Variants in MEGF10 observed in about 807,000 individuals in gnomAD.
MEGF10 encodes multiple epidermal growth factor-like domains protein 10.
In MEGF10, 86 loss-of-function variants were observed where a neutral mutation model predicts 147.5. That is an observed-to-expected ratio of 0.58 (90% CI 0.49 to 0.70). MEGF10 has a LOEUF of 0.70. Ranked by LOEUF, MEGF10 falls within the 30% of genes least tolerant of loss-of-function variation. The probability of loss-of-function intolerance (pLI) is 0.00; values close to 1 mark genes in which losing one functional copy is unlikely to be tolerated. For missense variants in MEGF10, 1,329 were observed against 1,487.3 expected, an observed-to-expected ratio of 0.89 and a Z score of 1.75; for synonymous variants, 478 against 525.5, an observed-to-expected ratio of 0.91 and a Z score of 1.24.
chr5:127,261,097 AG>A, the MEGF10 span, among the ~76,000 whole-genome samples: 1 of 152,216 alleles, frequency 6.6e-6, no homozygotes, highest in African/African-American at 2.4e-5. Flanking sequence ...ATTGAGATAT[AG>A]TTTATATAAC....
intron 4 of MEGF10, among the ~76,000 whole-genome samples, chr5:127,357,047 A>T (rs1452683082): frequency 4.6e-5 from 7 of 152,212 alleles, no homozygotes; most frequent in Non-Finnish European, 5.9e-5. Flanking sequence ...ACACTGGGTA[A>T]TTTTAAATAT....
At chr5:127,246,938 T>TAGTATATATTATACAATAACATATAC in the MEGF10 span, among the ~76,000 whole-genome samples, 13 of 111,240 alleles carry the variant, frequency 1.2e-4, no homozygotes, top group South Asian at 2.8e-4. Context: ...TAATATATGA[T>TAGTATATATTATACAATAACATATAC]TATATTATAT....
At chr5:127,397,677 G>A (rs1763969574) in intron 6 of MEGF10, among the ~76,000 whole-genome samples, 5 of 152,208 alleles carry the variant, frequency 3.3e-5, no homozygotes, top group Admixed American at 3.3e-4. Flanking sequence ...CTGATTTTCA[G>A]AATTGATGAT....
intron 5 of MEGF10, among the ~76,000 whole-genome samples, chr5:127,375,182 G>T (rs1762979088): frequency 6.6e-6 from 1 of 151,994 alleles, no homozygotes; most frequent in African/African-American, 2.4e-5. Context: ...AGTCTAAAAT[G>T]GTCAGATGGT....
chr5:127,410,574 G>C lies in MEGF10; in HGVS notation c.1103G>C (p.Cys368Ser), dbSNP rs749688299. ...GLYGIKCDKR[C>S]PCHLENTHSC... The stretch of plus-strand genomic sequence containing the variant: ...TACGGCATCAAATGTGACAAACGGT[G>C]TCCCTGCCACCTGGAAAACACTCAT... Residue 368 changes from cysteine (C) to serine (S), a missense_variant, in exon 9 of 25, where the codon TGT (cysteine) becomes TCT (serine). Cys to Ser is a moderately radical substitution (Grantham distance 112, BLOSUM62 -1). Coordinates refer to ENST00000503335, the MANE Select transcript of MEGF10 (RefSeq NM_001256545.2). 1 of 1,609,968 alleles carries C rather than the reference G, an allele frequency of 6.2e-7. No individual in the cohort carries two copies. The highest frequency in any genetic ancestry group is 8.5e-7 in the Non-Finnish European group (1 of 1,179,690).
At chr5:127,248,373 A>G in the MEGF10 span, among the ~76,000 whole-genome samples, 2 of 152,264 alleles carry the variant, frequency 1.3e-5, no homozygotes, top group African/African-American at 4.8e-5. Context: ...TATGACCCAT[A>G]ACAAAGATTT....
chr5:127,244,841 C>T, the MEGF10 span, among the ~76,000 whole-genome samples: 2 of 151,164 alleles, frequency 1.3e-5, no homozygotes, highest in Non-Finnish European at 3.0e-5. Flanking sequence ...TTTAAAAAAA[C>T]AAAAAACAAA....
chr5:127,388,888 G>A (rs6893410), intron 5 of MEGF10, among the ~76,000 whole-genome samples: 1,655 of 152,224 alleles, frequency 0.011, 35 homozygotes, highest in African/African-American at 0.038. Context: ...TCTCACTACT[G>A]AGGTAATTTC....
intron 13 of MEGF10, among the ~76,000 whole-genome samples, chr5:127,432,972 A>T (rs1406403460): frequency 6.6e-6 from 1 of 151,856 alleles, no homozygotes. Context: ...TCATTGCCTT[A>T]TCCTTTTACA....
At chr5:127,232,837 T>C in the MEGF10 span, among the ~76,000 whole-genome samples, 1 of 151,834 alleles carries the variant, frequency 6.6e-6, no homozygotes, top group African/African-American at 2.4e-5. Context: ...GCATTGCGAT[T>C]GTAGGATTCA....
the MEGF10 span, among the ~76,000 whole-genome samples, chr5:127,277,468 C>G: frequency 1.3e-5 from 2 of 152,176 alleles, no homozygotes; most frequent in Admixed American, 1.3e-4. Flanking sequence ...AAGAAACCTC[C>G]TGCTTACAAA....
the MEGF10 span, among the ~76,000 whole-genome samples, chr5:127,244,315 C>T: frequency 6.7e-6 from 1 of 148,640 alleles, no homozygotes; most frequent in South Asian, 2.1e-4. Context: ...TATTATTGGG[C>T]TATCGTGCCA....
chr5:127,256,230 A>T, the MEGF10 span, among the ~76,000 whole-genome samples: 1 of 152,338 alleles, frequency 6.6e-6, no homozygotes, highest in East Asian at 1.9e-4. Flanking sequence ...TGTTAAAAAA[A>T]ATTTCCTCCA....
chr5:127,304,516 C>A lies in MEGF10; in HGVS notation c.-19+13460C>A, dbSNP rs918056936. ...TGTTTACTATTATTATTTTTTGGGA[C>A]AAAGTCTCCCTCTGTCGCTCAGGCT... On this transcript the variant is annotated intron_variant, in intron 1 of 24. Coordinates refer to ENST00000503335, the MANE Select transcript of MEGF10 (RefSeq NM_001256545.2). Among the ~76,000 whole-genome samples the A allele has an allele frequency of 2.6e-5, 4 of 152,076 alleles. No homozygotes were observed. The South Asian group carries it at 8.3e-4, about 32-fold the overall frequency.
At chr5:127,451,283 C>A (rs758417532) in intron 22 of MEGF10, among the ~76,000 whole-genome samples, 2 of 152,200 alleles carry the variant, frequency 1.3e-5, no homozygotes, top group African/African-American at 4.8e-5. Context: ...AGGAACTGAT[C>A]CCTGTGGGAA....
At chr5:127,328,639 C>T (rs1399671778) in intron 1 of MEGF10, among the ~76,000 whole-genome samples, 1 of 152,150 alleles carries the variant, frequency 6.6e-6, no homozygotes. Flanking sequence ...TGATTCATGG[C>T]TTGGGACAAT....
At position 127,447,597 on chromosome 5, in the gene MEGF10, C is replaced by G; in HGVS notation, c.2769C>G (p.His923Gln). 6.2e-7 allele frequency: 1 copy of G among 1,614,158 alleles called. No individual in the cohort carries two copies. Among genetic ancestry groups the G allele is most frequent in the Non-Finnish European group, 8.5e-7 (1 of 1,180,012 alleles). ...PHSNGGNANS[H>Q]YFTNPSYHTL... The stretch of plus-strand genomic sequence containing the variant: ...GCAATGGTGGAAACGCTAATAGCCA[C>G]TACTTCACCAATCCCAGTTACCACA... The change falls in exon 21 of 25, where the codon CAC (histidine) becomes CAG (glutamine). Residue 923 changes from histidine (H) to glutamine (Q), a missense_variant. This residue lies in a region of MEGF10 where 343 missense variants were observed against 377.9 expected (regional missense o/e 0.91). Coordinates refer to ENST00000503335, the MANE Select transcript of MEGF10 (RefSeq NM_001256545.2).
At chr5:127,395,463 G>C (rs530656472) in intron 5 of MEGF10, among the ~76,000 whole-genome samples, 7 of 143,410 alleles carry the variant, frequency 4.9e-5, no homozygotes, top group Admixed American at 3.5e-4. Flanking sequence ...AAGCATATTT[G>C]TCCATTTTTT....
chr5:127,429,380 A>T (rs1181410825), intron 13 of MEGF10, among the ~76,000 whole-genome samples: 1 of 152,192 alleles, frequency 6.6e-6, no homozygotes, highest in Non-Finnish European at 1.5e-5. Context: ...ACCTATAAAT[A>T]TGTTGGGCTT....
Sources: allele counts gnomAD v4.1 joint callset (sites outside exome capture counted in the v4.1 genomes callset), GRCh38; gene constraint gnomAD v4.1.1; regional missense constraint gnomAD v4.1.1; transcripts MANE v1.5; gene names NCBI Gene and HGNC (gene_info 2026-07-23, HGNC 2026-07-21).